The following LPO variants were observed in gnomAD, a reference collection of about 807,000 sequenced individuals.
LPO encodes the protein salivary peroxidase.
In LPO, 70 loss-of-function variants were observed where a neutral mutation model predicts 68.4. The observed-to-expected ratio is 1.02, with a 90% confidence interval of 0.84 to 1.25. The LOEUF is 1.25. LPO is among the 50% of genes most tolerant of loss of function. The pLI is 0.00. For synonymous variants in LPO, 360 were observed against 357.6 expected, an observed-to-expected ratio of 1.01 and a Z score of -0.08; for missense variants, 873 against 908.4, an observed-to-expected ratio of 0.96 and a Z score of 0.50.
Position 58,243,030 on chromosome 17 carries a change from T to A in LPO, c.51T>A (p.Leu17=). 1.9e-6 allele frequency: 3 copies of A among 1,614,090 alleles called. No homozygotes were observed. Among genetic ancestry groups the A allele is most frequent in the Non-Finnish European group, 2.5e-6 (3 of 1,180,014 alleles). The change falls in exon 2 of 13, where the codon CTT becomes CTA. Residue 17 remains leucine (L), a synonymous_variant. Transcript: ENST00000262290. The part of the protein sequence containing the change: ...LPALLASLIL[L]QAAASTTRAQ... ...CCCTCCTGGCTTCCCTCATCTTGCT[T>A]CAGGCTGCAGCATCTACCACAAGAG...
intron 9 of LPO, among the ~76,000 whole-genome samples, chr17:58,259,586 TAA>T (rs1480782588): frequency 2.6e-5 from 4 of 152,240 alleles, no homozygotes; most frequent in African/African-American, 7.2e-5. Context: ...TATTATTAAA[TAA>T]GTTTGTGTAT....
chr17:58,243,074 G>A lies in LPO; in HGVS notation c.76+19G>A, dbSNP rs372785656. 2.9e-5 allele frequency: 46 copies of A among 1,610,684 alleles called. No individual in the cohort carries two copies. The highest frequency in any genetic ancestry group is 2.8e-4 in the African/African-American group (21 of 74,950). On this transcript the variant is annotated intron_variant, in intron 2 of 12. Transcript: ENST00000262290. ...ACAAGAGGTGAGTGTCTCCCTTTAC[G>A]GGTTTTCTGGGGCTGCTGTCACAAA...
Position 58,268,108 on chromosome 17 carries a change from G to A in LPO, c.*114G>A. On this transcript the variant is annotated 3_prime_UTR_variant, in exon 13 of 13. Transcript: ENST00000262290. ...CAGTCCCAGCCCTTCTTTGCAGCTGGGCCTCTCTATACCCCTGGATGAACA... is the reference window on the plus strand; with the variant it reads ...CAGTCCCAGCCCTTCTTTGCAGCTGAGCCTCTCTATACCCCTGGATGAACA... The A allele has an allele frequency of 8.8e-7, 1 of 1,130,638 alleles. No individual in the cohort carries two copies. Among genetic ancestry groups the A allele is most frequent in the Non-Finnish European group, 1.3e-6 (1 of 790,222 alleles). 70.0% of individuals were successfully genotyped at this position (1,130,638 alleles called of 1,614,324 possible). A position where few individuals can be genotyped will look rare whatever the true frequency, so the allele number is the denominator to read the frequency against.
At position 58,268,073 on chromosome 17, in the gene LPO, C is replaced by G; in HGVS notation, c.*79C>G. The G allele has an allele frequency of 7.1e-7, 1 of 1,402,678 alleles. No individual in the cohort carries two copies. Among genetic ancestry groups the G allele is most frequent in the African/African-American group, 1.4e-5 (1 of 70,386 alleles). 86.9% of individuals were successfully genotyped at this position (1,402,678 alleles called of 1,614,324 possible). On this transcript the variant is annotated 3_prime_UTR_variant, in exon 13 of 13. Transcript: ENST00000262290. ...AGTTCAATGACCTGGTCCCTTAGAGCTCCATATCCCAGTCCCAGCCCTTCT... is the reference window on the plus strand; with the variant it reads ...AGTTCAATGACCTGGTCCCTTAGAGGTCCATATCCCAGTCCCAGCCCTTCT...
chr17:58,267,998 C>A lies in LPO; in HGVS notation c.*4C>A, dbSNP rs368792584. On this transcript the variant is annotated 3_prime_UTR_variant, in exon 13 of 13. Transcript: ENST00000262290. ...CTGGGCCTCAGTGAAGAATTAGGGG[C>A]CCGCGCTGCACAGGAAAGTTCCCTT... 4.3e-6 allele frequency: 7 copies of A among 1,612,970 alleles called. No individual in the cohort carries two copies. The South Asian group carries it at 7.7e-5, about 18-fold the overall frequency.
chr17:58,246,290 G>A (rs1407905189), intron 3 of LPO, among the ~76,000 whole-genome samples: 2 of 152,126 alleles, frequency 1.3e-5, no homozygotes, highest in Non-Finnish European at 2.9e-5. Context: ...GTCGCCCCAG[G>A]GTAAGCCATT....
intron 1 of LPO, among the ~76,000 whole-genome samples, chr17:58,240,691 G>T (rs1163311346): frequency 6.6e-6 from 1 of 152,210 alleles, no homozygotes; most frequent in African/African-American, 2.4e-5. Context: ...GAGGAGAGGA[G>T]AATTGAATAT....
At chr17:58,254,152 T>TATATATAGATAGATAGATAG (rs1555605280) in intron 8 of LPO, among the ~76,000 whole-genome samples, 1 of 133,322 alleles carries the variant, frequency 7.5e-6, no homozygotes, top group African/African-American at 3.0e-5. Context: ...TATATAGATA[T>TATATATAGATAGATAGATAG]ATAGATAGAT....
chr17:58,255,003 C>A lies in LPO; in HGVS notation c.1266+32C>A, dbSNP rs1016844340. On this transcript the variant is annotated intron_variant, in intron 9 of 12. Coordinates refer to ENST00000262290, the MANE Select transcript of LPO (RefSeq NM_006151.3). Reference sequence around the variant, plus strand: ...AGTCCCAGGAGCACTGTCACCTGGTCCCACCTGGCTCCCACTCCTGGCTCT... The same window carrying A: ...AGTCCCAGGAGCACTGTCACCTGGTACCACCTGGCTCCCACTCCTGGCTCT... The A allele has an allele frequency of 7.5e-6, 12 of 1,606,500 alleles. No homozygotes were observed. The African/African-American group carries it at 1.5e-4, about 20-fold the overall frequency.
Position 58,267,407 on chromosome 17 carries a change from G to C in LPO, c.1752G>C (p.Leu584Phe), listed in dbSNP as rs749861184. Reference protein sequence around the residue: ...DLSQPQTLEELNTVLKSKMLA... With the variant: ...DLSQPQTLEEFNTVLKSKMLA... ...CACAGCCGCAGACACTAGAGGAGTT[G>C]AACACAGTGCTGAAGAGCAAGATGC... The change falls in exon 12 of 13, where the codon TTG (leucine) becomes TTC (phenylalanine). Residue 584 changes from leucine to phenylalanine, a missense_variant. By Grantham distance (22) the Leu-to-Phe change is conservative. Transcript: ENST00000262290. 1 of 1,614,230 alleles carries C rather than the reference G, an allele frequency of 6.2e-7. No homozygotes were observed. The highest frequency in any genetic ancestry group is 8.5e-7 in the Non-Finnish European group (1 of 1,180,044).
intron 8 of LPO, among the ~76,000 whole-genome samples, chr17:58,253,531 A>G (rs1437409791): frequency 6.6e-6 from 1 of 152,204 alleles, no homozygotes; most frequent in African/African-American, 2.4e-5. Flanking sequence ...CATTCCATTC[A>G]GCCTGTGCAC....
intron 3 of LPO, chr17:58,244,360 C>A (rs905000269): frequency 2.2e-6 from 1 of 452,512 alleles, no homozygotes. Context: ...CCAATGTTTC[C>A]TTGGGCCATG....
intron 1 of LPO, 109 bp from the exon 2 acceptor site, chr17:58,242,869 C>A: frequency 1.2e-6 from 1 of 840,052 alleles, no homozygotes. Context: ...TTTCCTGTTC[C>A]AATATTAGGG....
intron 1 of LPO, among the ~76,000 whole-genome samples, chr17:58,239,169 A>G (rs532573916): frequency 4.6e-5 from 7 of 151,300 alleles, no homozygotes; most frequent in Admixed American, 4.0e-4. Flanking sequence ...TATAGTGGAG[A>G]TTTTGCAGTG....
At position 58,238,899 on chromosome 17, in the gene LPO, G is replaced by A. The variant is rs1212946083; in HGVS notation, c.-3+160G>A. On this transcript the variant is annotated intron_variant, in intron 1 of 12. Transcript: ENST00000262290. ...CCCCATGGCACACTCCTCTTGTTTG[G>A]TATAAGAGAGAATGTAATTAAGCCT... Among the ~76,000 whole-genome samples, 3 of 152,226 alleles carry A rather than the reference G, an allele frequency of 2.0e-5. No homozygotes were observed. In the East Asian group the frequency reaches 5.8e-4, roughly 29 times the overall value.
chr17:58,250,835 C>T, intron 7 of LPO: 1 of 576,024 alleles, frequency 1.7e-6, no homozygotes, highest in Non-Finnish European at 3.1e-6. Context: ...GCTGAGGATT[C>T]CAAAGTGAAC....
chr17:58,261,146 G>A (rs1970167916), intron 9 of LPO, among the ~76,000 whole-genome samples: 1 of 152,202 alleles, frequency 6.6e-6, no homozygotes. Flanking sequence ...TCTGTTGGTT[G>A]ATGGTGCTAT....
chr17:58,261,808 C>T (rs8178378), intron 9 of LPO, among the ~76,000 whole-genome samples: 4 of 151,760 alleles, frequency 2.6e-5, no homozygotes, highest in South Asian at 2.1e-4. Flanking sequence ...GGTTGTTCTC[C>T]GGATAGATAG....
Position 58,244,088 on chromosome 17 carries a change from GAGACACACACAC to G in LPO, c.164+9_164+20del, listed in dbSNP as rs756937627. 3.6e-5 allele frequency: 52 copies of G among 1,454,490 alleles called. No homozygotes were observed. Among genetic ancestry groups the G allele is most frequent in the African/African-American group, 9.3e-5 (5 of 53,690 alleles). 90.1% of individuals were successfully genotyped at this position (1,454,490 alleles called of 1,614,324 possible). A position where few individuals can be genotyped will look rare whatever the true frequency, so the allele number is the denominator to read the frequency against. The stretch of plus-strand genomic sequence containing the variant: ...TCCTGGACTCCCGAACCAGGTACGT[GAGACACACACAC>G]ACACACACACACACACACACACACA... On this transcript the variant is annotated splice_region_variant and intron_variant, in intron 3 of 12. Coordinates refer to ENST00000262290, the MANE Select transcript of LPO (RefSeq NM_006151.3).
Sources: gnomAD v4.1 joint callset for allele counts (sites outside exome capture counted in the v4.1 genomes callset) on GRCh38, gnomAD v4.1.1 for gene constraint, MANE v1.5 for transcripts, NCBI Gene and HGNC (gene_info 2026-07-23, HGNC 2026-07-21) for gene names.